The following IPO5 variants were observed in gnomAD, a reference collection of about 807,000 sequenced individuals.
IPO5 encodes the protein importin 5.
A neutral mutation model predicts 143.3 loss-of-function variants in IPO5; 18 were observed. The observed-to-expected ratio is 0.13, with a 90% CI of 0.09 to 0.19. IPO5 has a LOEUF of 0.19. Ranked by LOEUF, IPO5 falls within the 10% of genes least tolerant of loss-of-function variation. The pLI, the probability that IPO5 is intolerant of heterozygous loss-of-function variation, is 1.00. For synonymous variants in IPO5, 477 were observed against 465.7 expected, an observed-to-expected ratio of 1.02 and a Z score of -0.31; for missense variants, 1,013 against 1,336.9, an observed-to-expected ratio of 0.76 and a Z score of 3.78.
At position 97,985,620 on chromosome 13, in the gene IPO5, A is replaced by G; in HGVS notation, c.364+7A>G. On this transcript the variant is annotated splice_region_variant and intron_variant, in intron 6 of 28. Coordinates refer to ENST00000651721, the MANE Select transcript of IPO5 (RefSeq NM_002271.6). ...CTGGCCAGGAATTTAATAGGTGTGT[A>G]TGCAGGTGCACTCATGTTACCAAGA... 6.2e-7 allele frequency: 1 copy of G among 1,601,736 alleles called. No homozygotes were observed.
Position 98,018,803 on chromosome 13 carries a change from T to G in IPO5, c.2836+99T>G, listed in dbSNP as rs1469575722. 95 of 781,286 alleles carry G rather than the reference T, an allele frequency of 1.2e-4. No individual in the cohort carries two copies. In the East Asian group the frequency reaches 2.5e-3, roughly 20 times the overall value. 48.4% of individuals were successfully genotyped at this position (781,286 alleles called of 1,614,324 possible). On this transcript the variant is annotated intron_variant, in intron 26 of 28. Transcript: ENST00000651721. The stretch of plus-strand genomic sequence containing the variant: ...CACTCCCAAACATTATTTGCCTATT[T>G]CTGCTGTAGTCTGTTTTCAGACATC...
intron 9 of IPO5, among the ~76,000 whole-genome samples, chr13:97,991,749 A>G (rs970716965): frequency 1.3e-5 from 2 of 152,232 alleles, no homozygotes; most frequent in Non-Finnish European, 2.9e-5. Context: ...GGGGGATAAC[A>G]GTTGTTAAAA....
At chr13:97,967,418 T>C (rs1262608294) in intron 2 of IPO5, among the ~76,000 whole-genome samples, 1 of 152,168 alleles carries the variant, frequency 6.6e-6, no homozygotes, top group Non-Finnish European at 1.5e-5. Flanking sequence ...TCTCTTTTTC[T>C]TCCTTTCTCT....
rs765047035 is a variant in IPO5 at position 97,990,570 on chromosome 13, T to C, written c.669+33T>C. 23 of 1,250,726 alleles carry C rather than the reference T, an allele frequency of 1.8e-5. No individual in the cohort carries two copies. In the South Asian group the frequency reaches 2.6e-4, roughly 14 times the overall value. The allele number at this position is 1,250,726 out of a possible 1,614,324, so 77.5% of individuals were successfully genotyped here. ...AGCAATATAGAATAAATCATAATTA[T>C]ATCTTATTTGGTTCTTTAATGCATT... is the stretch of plus-strand genomic sequence containing the variant. On this transcript the variant is annotated intron_variant, in intron 9 of 28. Coordinates refer to ENST00000651721, the MANE Select transcript of IPO5 (RefSeq NM_002271.6).
intron 25 of IPO5, 115 bp downstream of exon 25, chr13:98,016,966 T>C (rs966690095): frequency 3.5e-5 from 26 of 732,952 alleles, no homozygotes; most frequent in Non-Finnish European, 5.3e-5. Flanking sequence ...ATTGTTTCCA[T>C]TGTACATCTT....
intron 2 of IPO5, among the ~76,000 whole-genome samples, chr13:97,956,200 C>T (rs1299782685): frequency 6.6e-6 from 1 of 151,318 alleles, no homozygotes; most frequent in Non-Finnish European, 1.5e-5. Flanking sequence ...CAAAAGGTTT[C>T]AAAAGGCCAG....
At chr13:98,005,769 A>G (rs971994494) in intron 16 of IPO5, among the ~76,000 whole-genome samples, 1 of 151,996 alleles carries the variant, frequency 6.6e-6, no homozygotes, top group Non-Finnish European at 1.5e-5. Flanking sequence ...AAATATAATC[A>G]TAAGTAGAGG....
At chr13:98,017,184 G>A (rs1890172363) in intron 25 of IPO5, among the ~76,000 whole-genome samples, 1 of 151,374 alleles carries the variant, frequency 6.6e-6, no homozygotes. Flanking sequence ...GTGGACCATA[G>A]ATAATTCAAT....
intron 25 of IPO5, among the ~76,000 whole-genome samples, chr13:98,017,230 T>C (rs1890174734): frequency 6.6e-6 from 1 of 151,366 alleles, no homozygotes; most frequent in African/African-American, 2.4e-5. Flanking sequence ...TCATGGATTA[T>C]GGATAATGGG....
At chr13:97,972,957 T>C (rs544599527) in intron 3 of IPO5, among the ~76,000 whole-genome samples, 1 of 152,154 alleles carries the variant, frequency 6.6e-6, no homozygotes, top group Admixed American at 6.5e-5. Context: ...CCTTCCACCA[T>C]TTGATCTCCT....
intron 12 of IPO5, among the ~76,000 whole-genome samples, chr13:98,000,032 C>G (rs1323239835): frequency 6.6e-6 from 1 of 152,206 alleles, no homozygotes; most frequent in Non-Finnish European, 1.5e-5. Context: ...CGCCTGTAAT[C>G]TTAGCATTTT....
At position 97,997,593 on chromosome 13, in the gene IPO5, G is replaced by T; in HGVS notation, c.976G>T (p.Glu326Ter). ...AGATGAGGACTGGGCAAATGCAGAT[G>T]AACTAGAAGATGATGATTTTGACAG... ...EEDEDWANAD[E>*]LEDDDFDSNA... Residue 326 changes from glutamate (E) to a stop codon, truncating the protein, a stop_gained, in exon 12 of 29, where the codon GAA becomes TAA. Coordinates refer to ENST00000651721, the MANE Select transcript of IPO5 (RefSeq NM_002271.6). LOFTEE classifies it high-confidence loss of function. 1 of 1,609,302 alleles carries T rather than the reference G, an allele frequency of 6.2e-7. No individual in the cohort carries two copies. Among genetic ancestry groups the T allele is most frequent in the South Asian group, 1.1e-5 (1 of 90,596 alleles).
chr13:98,014,518 G>A (rs1889967075), intron 22 of IPO5, among the ~76,000 whole-genome samples: 1 of 152,196 alleles, frequency 6.6e-6, no homozygotes, highest in Admixed American at 6.5e-5. Context: ...GCCTCCCAGA[G>A]TGCTGGGATT....
chr13:98,012,063 T>G (rs1260568454), intron 20 of IPO5, among the ~76,000 whole-genome samples, 183 bp from the exon 21 acceptor site: 1 of 152,138 alleles, frequency 6.6e-6, no homozygotes, highest in Non-Finnish European at 1.5e-5. Flanking sequence ...TACAATCATT[T>G]CATGACCCTT....
At chr13:97,961,252 C>A (rs191000004) in intron 2 of IPO5, among the ~76,000 whole-genome samples, 1 of 152,300 alleles carries the variant, frequency 6.6e-6, no homozygotes, top group East Asian at 1.9e-4. Flanking sequence ...ATTGTTTCCA[C>A]TTTTTGGCTG....
In IPO5 at chr13:98,015,515, C is replaced by T. The variant is rs1222889389; in HGVS notation, c.2326-15C>T. 30 of 1,484,204 alleles carry T rather than the reference C, an allele frequency of 2.0e-5. No homozygotes were observed. In the Middle Eastern group the frequency reaches 7.6e-4, roughly 38 times the overall value. 91.9% of individuals were successfully genotyped at this position (1,484,204 alleles called of 1,614,324 possible). ...CCAAATCTTATGGATTGCTTTCTTT[C>T]CTCAACCTCATTAGTGCATTGAAGT... On this transcript the variant is annotated splice_polypyrimidine_tract_variant and intron_variant, in intron 22 of 28. Transcript: ENST00000651721.
intron 11 of IPO5, among the ~76,000 whole-genome samples, chr13:97,995,612 C>T (rs934299941): frequency 3.3e-5 from 5 of 151,798 alleles, no homozygotes; most frequent in Admixed American, 6.6e-5. Flanking sequence ...AAAAATTAGC[C>T]GGGCGTGGTG....
chr13:98,003,021 T>C lies in IPO5; in HGVS notation c.1481T>C (p.Val494Ala). 6.2e-7 allele frequency: 1 copy of C among 1,607,756 alleles called. No homozygotes were observed. The stretch of plus-strand genomic sequence containing the variant: ...GTGAAACATCTGCATTCCATTATGG[T>C]ACTGAAGCTTCAAGAGGTAAGTTTT... ...NLVKHLHSIM[V>A]LKLQELIQKG... The change falls in exon 16 of 29, where the codon GTA (valine) becomes GCA (alanine). Residue 494 changes from valine (V) to alanine (A), a missense_variant. Val to Ala is a moderately conservative substitution (Grantham distance 64, BLOSUM62 0). This residue lies in a region of IPO5 where 685 missense variants were observed against 994.9 expected (regional missense o/e 0.69). Coordinates refer to ENST00000651721, the MANE Select transcript of IPO5 (RefSeq NM_002271.6).
At chr13:98,018,319 A>C (rs539652934) in intron 25 of IPO5, among the ~76,000 whole-genome samples, 166 bp from the exon 26 acceptor site, 1 of 152,316 alleles carries the variant, frequency 6.6e-6, no homozygotes, top group South Asian at 2.1e-4. Flanking sequence ...AAATCTGTGT[A>C]TTTGATTGAA....
Sources: allele counts gnomAD v4.1 joint callset (sites outside exome capture counted in the v4.1 genomes callset), GRCh38; gene constraint gnomAD v4.1.1; regional missense constraint gnomAD v4.1.1; transcripts MANE v1.5; gene names NCBI Gene and HGNC (gene_info 2026-07-23, HGNC 2026-07-21).